Variants in ARHGAP6 observed in about 807,000 individuals in gnomAD.
The protein encoded by ARHGAP6 is rho GTPase-activating protein 6.
In ARHGAP6, 16 loss-of-function variants were observed where a neutral mutation model predicts 55.7. That is an observed-to-expected ratio of 0.29 (90% CI 0.19 to 0.44). The LOEUF is 0.44. Among genes scored for constraint, ARHGAP6 ranks in the 20% least tolerant of loss-of-function variants. The pLI, the probability that ARHGAP6 is intolerant of heterozygous loss-of-function variation, is 1.00. For missense variants in ARHGAP6, 698 were observed against 808.9 expected, an observed-to-expected ratio of 0.86 and a Z score of 1.66; for synonymous variants, 382 against 360.9, an observed-to-expected ratio of 1.06 and a Z score of -0.66.
intron 1 of ARHGAP6, among the ~76,000 whole-genome samples, chrX:11,550,629 A>G (rs2051257016): frequency 8.9e-6 from 1 of 111,894 alleles, no homozygotes; most frequent in Admixed American, 9.5e-5. Flanking sequence ...CAGTCTGAAG[A>G]ATGCATTCAT....
intron 6 of ARHGAP6, among the ~76,000 whole-genome samples, chrX:11,180,795 C>T (rs747032886): frequency 8.0e-5 from 9 of 112,162 alleles, no homozygotes; most frequent in Admixed American, 1.9e-4. Flanking sequence ...CCAGACAGCA[C>T]GCCATCAGCG....
intron 2 of ARHGAP6, among the ~76,000 whole-genome samples, chrX:11,223,446 T>C (rs919074192): frequency 4.5e-5 from 5 of 111,614 alleles, no homozygotes; most frequent in African/African-American, 9.8e-5. Context: ...TTTAACAGAA[T>C]TGAGGTATAT....
chrX:11,609,435 T>A, intron 1 of ARHGAP6, among the ~76,000 whole-genome samples: 1 of 111,811 alleles, frequency 8.9e-6, no homozygotes, highest in South Asian at 3.8e-4. Flanking sequence ...TCTACTTACT[T>A]CTGTCCACTA....
Position 11,425,081 on chromosome X carries a change from T to G in ARHGAP6, c.589-170374A>C, listed in dbSNP as rs1031410505. On this transcript the variant is annotated intron_variant, in intron 1 of 12. Coordinates refer to ENST00000337414, the MANE Select transcript of ARHGAP6 (RefSeq NM_013427.3). ...AAATGTTTATTGAATGAATCAAATG[T>G]GAGCCACTGACCTCTTATATGCAGT... Among the ~76,000 whole-genome samples, 22 of 112,189 alleles carry G rather than the reference T, an allele frequency of 2.0e-4. 1 individual carries two copies. The highest frequency in any genetic ancestry group is 4.6e-3 in the Middle Eastern group (1 of 216).
chrX:11,569,696 A>G (rs753060256), intron 1 of ARHGAP6, among the ~76,000 whole-genome samples: 10 of 111,414 alleles, frequency 9.0e-5, no homozygotes, highest in African/African-American at 3.3e-4. Flanking sequence ...GTAGCCCTGC[A>G]CCCTCTGTAG....
intron 1 of ARHGAP6, among the ~76,000 whole-genome samples, chrX:11,651,282 C>T (rs933330555): frequency 1.2e-5 from 1 of 86,578 alleles, no homozygotes; most frequent in Non-Finnish European, 2.7e-5. Context: ...GATCCTCTCC[C>T]TCCTCCCACT....
intron 1 of ARHGAP6, among the ~76,000 whole-genome samples, chrX:11,601,976 G>A (rs67711488): frequency 0.16 from 17,837 of 111,007 alleles, 1,152 homozygotes; most frequent in Middle Eastern, 0.24. Flanking sequence ...GTGCAGTTTT[G>A]CTAGTCATAG....
chrX:11,263,567 T>C (rs1049106464), intron 1 of ARHGAP6, among the ~76,000 whole-genome samples: 11 of 110,846 alleles, frequency 9.9e-5, no homozygotes, highest in Non-Finnish European at 1.7e-4. Context: ...TAGCACAGGG[T>C]GAGGGGAATA....
chrX:11,447,631 C>A (rs1569347795), intron 1 of ARHGAP6, among the ~76,000 whole-genome samples: 1 of 112,161 alleles, frequency 8.9e-6, no homozygotes, highest in Non-Finnish European at 1.9e-5. Context: ...TTTGCTGGCC[C>A]CTGCCTTAGA....
chrX:11,180,896 C>T (rs1027644376), intron 6 of ARHGAP6, among the ~76,000 whole-genome samples: 6 of 112,244 alleles, frequency 5.3e-5, no homozygotes, highest in African/African-American at 9.7e-5. Flanking sequence ...TCTGAGTATA[C>T]GTACATGCAG....
intron 1 of ARHGAP6, among the ~76,000 whole-genome samples, chrX:11,369,088 G>C (rs1206576453): frequency 1.8e-5 from 2 of 111,541 alleles, no homozygotes; most frequent in Non-Finnish European, 3.8e-5. Flanking sequence ...CGGGTCCCTT[G>C]AGCCCCTCTG....
intron 1 of ARHGAP6, among the ~76,000 whole-genome samples, chrX:11,575,307 T>C (rs1274841628): frequency 1.8e-5 from 2 of 111,940 alleles, no homozygotes; most frequent in Non-Finnish European, 3.8e-5. Context: ...CTAATTCCAA[T>C]GCAAACGAAA....
At chrX:11,197,376 T>C (rs2046555160) in intron 2 of ARHGAP6, among the ~76,000 whole-genome samples, 1 of 112,495 alleles carries the variant, frequency 8.9e-6, no homozygotes, top group Admixed American at 9.4e-5. Flanking sequence ...ACAGCATGTA[T>C]AGCTTTGACA....
At chrX:11,145,366 G>A (rs1242873391) in intron 10 of ARHGAP6, among the ~76,000 whole-genome samples, 2 of 112,019 alleles carry the variant, frequency 1.8e-5, no homozygotes, top group Non-Finnish European at 3.8e-5. Context: ...TTCCAGCAGG[G>A]GTTAATATCG....
intron 1 of ARHGAP6, among the ~76,000 whole-genome samples, chrX:11,320,034 C>T (rs2048411846): frequency 8.9e-6 from 1 of 111,983 alleles, no homozygotes; most frequent in African/African-American, 3.2e-5. Context: ...GCACCGGATC[C>T]ACCATATCAC....
At chrX:11,430,329 A>C (rs187447396) in intron 1 of ARHGAP6, among the ~76,000 whole-genome samples, 12 of 112,817 alleles carry the variant, frequency 1.1e-4, no homozygotes, top group African/African-American at 3.9e-4. Context: ...TTTATTGCTA[A>C]AGTGTCATAG....
At chrX:11,495,331 T>G (rs763304886) in intron 1 of ARHGAP6, among the ~76,000 whole-genome samples, 1 of 111,695 alleles carries the variant, frequency 9.0e-6, no homozygotes, top group South Asian at 3.8e-4. Flanking sequence ...TTGCCCTTAC[T>G]TCCCTAGACT....
At position 11,364,033 on chromosome X, in the gene ARHGAP6, C is replaced by G. The variant is rs374810757; in HGVS notation, c.589-109326G>C. ...AATACTATGCAGCCATAAAAAGGAA[C>G]AAGATCACATTCTTTGCAGCAACAC... On this transcript the variant is annotated intron_variant, in intron 1 of 12. Coordinates refer to ENST00000337414, the MANE Select transcript of ARHGAP6 (RefSeq NM_013427.3). 3.1e-3 allele frequency among the ~76,000 whole-genome samples: 352 copies of G among 111,824 alleles called. 2 individuals are homozygous for G. The highest frequency in any genetic ancestry group is 0.011 in the African/African-American group (347 of 30,748).
At chrX:11,535,530 A>C (rs1569387112) in intron 1 of ARHGAP6, among the ~76,000 whole-genome samples, 1 of 111,978 alleles carries the variant, frequency 8.9e-6, no homozygotes, top group East Asian at 2.8e-4. Context: ...CCAGTAGCCC[A>C]CCTTAAGCTT....
Sources: allele counts gnomAD v4.1 joint callset (sites outside exome capture counted in the v4.1 genomes callset), GRCh38; gene constraint gnomAD v4.1.1; transcripts MANE v1.5; gene names NCBI Gene and HGNC (gene_info 2026-07-23, HGNC 2026-07-21).